CNTN4: variants seen among roughly 807,000 people sequenced by gnomAD.
CNTN4 encodes the protein contactin 4, also known as contactin-4.
Under a neutral mutation model 122.5 loss-of-function variants are expected in CNTN4, and 77 were observed. That is an observed-to-expected ratio of 0.63 (90% CI 0.52 to 0.76). CNTN4 has a LOEUF of 0.76. CNTN4 is among the 30% of genes least tolerant of loss of function. The probability of loss-of-function intolerance (pLI) is 0.00; values close to 1 mark genes in which losing one functional copy is unlikely to be tolerated. For synonymous variants in CNTN4, 512 were observed against 447.0 expected, an observed-to-expected ratio of 1.15 and a Z score of -1.83; for missense variants, 1,256 against 1,259.1, an observed-to-expected ratio of 1.00 and a Z score of 0.04.
Position 2,858,249 on chromosome 3 carries a change from G to T in CNTN4, c.455-8503G>T, listed in dbSNP as rs187039248. ...AAACTTGCAATTCTTGTCCCTCCCT[G>T]TTCCACCTCCAGAATAAGAAATTCC... On this transcript the variant is annotated intron_variant, in intron 7 of 24. Coordinates refer to ENST00000418658, the MANE Select transcript of CNTN4 (RefSeq NM_175607.3). Among the ~76,000 whole-genome samples, 4 of 152,290 alleles carry T rather than the reference G, an allele frequency of 2.6e-5. No homozygotes were observed. In the East Asian group the frequency reaches 5.8e-4, roughly 22 times the overall value.
At chr3:2,125,176 G>A (rs978613812) in intron 2 of CNTN4, among the ~76,000 whole-genome samples, 1 of 152,018 alleles carries the variant, frequency 6.6e-6, no homozygotes, top group Non-Finnish European at 1.5e-5. Flanking sequence ...CTATGAGTTT[G>A]ACTATTTTAG....
chr3:2,802,530 C>T (rs150486103), intron 6 of CNTN4, among the ~76,000 whole-genome samples: 2 of 152,272 alleles, frequency 1.3e-5, no homozygotes, highest in African/African-American at 4.8e-5. Context: ...GTCAGATGAG[C>T]TTCTTTCAGA....
intron 3 of CNTN4, among the ~76,000 whole-genome samples, chr3:2,534,883 G>C (rs1575887995): frequency 1.4e-5 from 2 of 141,920 alleles, no homozygotes; most frequent in Admixed American, 1.4e-4. Context: ...GAGTTTAGGT[G>C]GCTGTGGAGA....
chr3:2,380,057 C>CAAAA (rs5846182), intron 3 of CNTN4, among the ~76,000 whole-genome samples: 1,324 of 119,726 alleles, frequency 0.011, 22 homozygotes, highest in Middle Eastern at 0.027. Context: ...AACTCCATCT[C>CAAAA]AAAAAAAAAA....
intron 7 of CNTN4, among the ~76,000 whole-genome samples, chr3:2,842,743 C>A (rs1447498565): frequency 6.6e-6 from 1 of 152,186 alleles, no homozygotes; most frequent in Non-Finnish European, 1.5e-5. Flanking sequence ...GCATTCAATA[C>A]AGCTGCTCTC....
At chr3:2,731,504 T>A (rs1384014180) in intron 4 of CNTN4, among the ~76,000 whole-genome samples, 1 of 152,210 alleles carries the variant, frequency 6.6e-6, no homozygotes, top group Non-Finnish European at 1.5e-5. Context: ...CCAAGCTGTG[T>A]GTCAGATCAA....
At position 3,056,266 on chromosome 3, in the gene CNTN4, T is replaced by C. The variant is rs984075923; in HGVS notation, c.*46T>C. ...TGCTGTTTATAATATAAGCAACATT[T>C]AGCTAGTTGTTTTGAAGACACCCAG... On this transcript the variant is annotated 3_prime_UTR_variant, in exon 25 of 25. Coordinates refer to ENST00000418658, the MANE Select transcript of CNTN4 (RefSeq NM_175607.3). The C allele has an allele frequency of 1.2e-5, 17 of 1,398,788 alleles. No individual in the cohort carries two copies. The highest frequency in any genetic ancestry group is 1.7e-5 in the Non-Finnish European group (17 of 984,260). The allele number at this position is 1,398,788 out of a possible 1,614,324, so 86.6% of individuals were successfully genotyped here.
chr3:2,937,770 A>T (rs1165066435), intron 13 of CNTN4, among the ~76,000 whole-genome samples: 2 of 152,220 alleles, frequency 1.3e-5, no homozygotes, highest in African/African-American at 4.8e-5. Flanking sequence ...TCAGTCAGGC[A>T]GAGTCTGCCA....
chr3:2,607,005 C>T (rs945847930), intron 4 of CNTN4, among the ~76,000 whole-genome samples: 7 of 152,128 alleles, frequency 4.6e-5, no homozygotes, highest in East Asian at 1.9e-4. Flanking sequence ...CCTTGTGCTT[C>T]GCTTCCACAG....
chr3:2,752,559 T>A (rs2090146824), intron 6 of CNTN4, among the ~76,000 whole-genome samples: 1 of 152,054 alleles, frequency 6.6e-6, no homozygotes, highest in African/African-American at 2.4e-5. Flanking sequence ...GAGACAGGGT[T>A]TCACCGGCCT....
intron 3 of CNTN4, among the ~76,000 whole-genome samples, chr3:2,450,930 A>G (rs1269012417): frequency 6.6e-6 from 1 of 152,238 alleles, no homozygotes; most frequent in African/African-American, 2.4e-5. Flanking sequence ...ACATTGTTAA[A>G]GGAAAAGATC....
intron 3 of CNTN4, among the ~76,000 whole-genome samples, chr3:2,505,095 T>C (rs1322770991): frequency 6.6e-6 from 1 of 152,164 alleles, no homozygotes; most frequent in Non-Finnish European, 1.5e-5. Context: ...CTTGAATTGG[T>C]TCATTGTATT....
At chr3:2,964,704 T>A (rs1005982348) in intron 13 of CNTN4, among the ~76,000 whole-genome samples, 2 of 152,210 alleles carry the variant, frequency 1.3e-5, no homozygotes, top group Admixed American at 1.3e-4. Flanking sequence ...GTGTAGCACT[T>A]TGTAGTTTTC....
chr3:2,666,366 G>C (rs940430433), intron 4 of CNTN4, among the ~76,000 whole-genome samples: 3 of 151,976 alleles, frequency 2.0e-5, no homozygotes, highest in Admixed American at 1.3e-4. Context: ...GTCATTATAA[G>C]TAAGATCTGA....
chr3:2,994,108 G>T (rs1695305898), intron 14 of CNTN4, among the ~76,000 whole-genome samples: 1 of 152,044 alleles, frequency 6.6e-6, no homozygotes, highest in South Asian at 2.1e-4. Context: ...ACATGACCTG[G>T]TGTTTTTTTA....
intron 2 of CNTN4, among the ~76,000 whole-genome samples, chr3:2,298,575 A>G (rs1411025182): frequency 1.3e-5 from 2 of 152,184 alleles, no homozygotes; most frequent in Non-Finnish European, 2.9e-5. Context: ...TTTCTCTCAT[A>G]CAATTTAATA....
At chr3:2,208,227 C>T (rs756728408) in intron 2 of CNTN4, among the ~76,000 whole-genome samples, 13 of 152,110 alleles carry the variant, frequency 8.5e-5, no homozygotes, top group Non-Finnish European at 1.8e-4. Flanking sequence ...AACATTTTTG[C>T]GAATCAAAGG....
At chr3:2,516,629 C>A (rs992624906) in intron 3 of CNTN4, among the ~76,000 whole-genome samples, 5 of 152,016 alleles carry the variant, frequency 3.3e-5, no homozygotes, top group Non-Finnish European at 7.4e-5. Flanking sequence ...CACCTCTATT[C>A]CAAAGTAAGA....
intron 2 of CNTN4, among the ~76,000 whole-genome samples, chr3:2,270,290 C>T (rs1261890146): frequency 6.6e-6 from 1 of 151,922 alleles, no homozygotes; most frequent in Non-Finnish European, 1.5e-5. Flanking sequence ...GGTTCAACGA[C>T]ATATATACAG....
Sources: allele counts gnomAD v4.1 joint callset (sites outside exome capture counted in the v4.1 genomes callset), GRCh38; gene constraint gnomAD v4.1.1; transcripts MANE v1.5; gene names NCBI Gene and HGNC (gene_info 2026-07-23, HGNC 2026-07-21).